KLC4: variants seen among roughly 807,000 people sequenced by gnomAD.
KLC4 encodes the protein kinesin light chain 4.
Under a neutral mutation model 77.2 loss-of-function variants are expected in KLC4, and 49 were observed. The ratio of observed to expected loss-of-function variants is 0.63; its 90% CI spans 0.50 to 0.80. The LOEUF is 0.80. Among genes scored for constraint, KLC4 ranks in the 30% least tolerant of loss-of-function variants. The pLI is 0.00. For synonymous variants in KLC4, 274 were observed against 314.5 expected, an observed-to-expected ratio of 0.87 and a Z score of 1.36; for missense variants, 669 against 793.5, an observed-to-expected ratio of 0.84 and a Z score of 1.89.
chr6:43,063,250 C>A, intron 3 of KLC4, 103 bp downstream of exon 3: 1 of 813,708 alleles, frequency 1.2e-6, no homozygotes, highest in Non-Finnish European at 2.0e-6. Flanking sequence ...CAGCTCTACC[C>A]AACCTGCTCT....
chr6:43,059,739 A>T, intron 1 of KLC4, 54 bp downstream of exon 1: 1 of 1,232,534 alleles, frequency 8.1e-7, no homozygotes, highest in Non-Finnish European at 1.0e-6. Context: ...GCCATCTCTT[A>T]TTCTCGCACT....
At chr6:43,070,135 A>C (rs1765647302) in intron 6 of KLC4, among the ~76,000 whole-genome samples, 1 of 151,654 alleles carries the variant, frequency 6.6e-6, no homozygotes, top group Non-Finnish European at 1.5e-5. Flanking sequence ...CACCTCCAGA[A>C]ATTTCTTAAA....
At chr6:43,070,621 T>TG (rs897688890) in intron 7 of KLC4, 71 bp from the exon 8 acceptor site, 19 of 1,514,336 alleles carry the variant, frequency 1.3e-5, no homozygotes, top group African/African-American at 4.1e-5. Flanking sequence ...TGTGCCTACA[T>TG]GCAAACACAC....
chr6:43,071,514 C>A lies in KLC4; in HGVS notation c.1256-53C>A, dbSNP rs755817758. On this transcript the variant is annotated intron_variant, in intron 9 of 15. Coordinates refer to ENST00000347162, the MANE Select transcript of KLC4 (RefSeq NM_201521.3). Reference sequence around the variant, plus strand: ...TGTCAGCCTCTGGGTCCTGGCTCTCCGACACTGTCTAGCTCCCATCTCTAA... The same window carrying A: ...TGTCAGCCTCTGGGTCCTGGCTCTCAGACACTGTCTAGCTCCCATCTCTAA... 1.8e-5 allele frequency: 29 copies of A among 1,594,128 alleles called. 1 individual carries two copies. In the Middle Eastern group the frequency reaches 2.8e-3, roughly 156 times the overall value.
At chr6:43,073,494 A>G in intron 14 of KLC4, 156 bp downstream of exon 14, 1 of 553,184 alleles carries the variant, frequency 1.8e-6, no homozygotes, top group Non-Finnish European at 3.2e-6. Flanking sequence ...TAAAAATACA[A>G]AAATTAGTCG....
At chr6:43,068,243 G>C (rs1198128125) in intron 6 of KLC4, among the ~76,000 whole-genome samples, 2 of 151,620 alleles carry the variant, frequency 1.3e-5, no homozygotes, top group Admixed American at 1.3e-4. Flanking sequence ...GGAGGCCAAG[G>C]TGGGCAAATC....
intron 15 of KLC4, chr6:43,074,284 TTAG>T: frequency 2.2e-6 from 1 of 457,018 alleles, no homozygotes; most frequent in Non-Finnish European, 3.9e-6. Flanking sequence ...TGCAGCCGCC[TTAG>T]TAGTAGATGA....
chr6:43,061,206 C>A, intron 1 of KLC4, 105 bp from the exon 2 acceptor site: 1 of 1,214,242 alleles, frequency 8.2e-7, no homozygotes, highest in Non-Finnish European at 1.2e-6. Flanking sequence ...CACAGGGTCA[C>A]TCTTACTTTT....
In KLC4 at chr6:43,070,806, A is replaced by G. The variant is rs771648231; in HGVS notation, c.1096A>G (p.Ile366Val). ...ACGCTACTACCAGCGAGCACTGGCC[A>G]TCTACGAGGGGCAGCTGGGGCCGGA... ...VERYYQRALA[I>V]YEGQLGPDNP... The change falls in exon 8 of 16, where the codon ATC becomes GTC. Residue 366 changes from isoleucine (I) to valine (V), a missense_variant. Physicochemically the swap from Ile to Val is conservative, Grantham distance 29. Transcript: ENST00000347162. 29 of 1,613,578 alleles carry G rather than the reference A, an allele frequency of 1.8e-5. No homozygotes were observed. The highest frequency in any genetic ancestry group is 2.4e-5 in the Non-Finnish European group (28 of 1,179,800).
chr6:43,073,443 G>A lies in KLC4; in HGVS notation c.1745+105G>A, dbSNP rs535963420. The A allele has an allele frequency of 5.0e-5, 36 of 714,574 alleles. No individual in the cohort carries two copies. The African/African-American group carries it at 5.7e-4, about 11-fold the overall frequency. 44.3% of individuals were successfully genotyped at this position (714,574 alleles called of 1,614,324 possible). A position where few individuals can be genotyped will look rare whatever the true frequency, so the allele number is the denominator to read the frequency against. On this transcript the variant is annotated intron_variant, in intron 14 of 15. Transcript: ENST00000347162. ...AGGCGGGTGGATCACCTGAGGTCAG[G>A]AGTTTGAGACCAGCCTGGCCAACAA... is the stretch of plus-strand genomic sequence containing the variant.
Position 43,067,084 on chromosome 6 carries a change from G to C in KLC4, c.879+1G>C, listed in dbSNP as rs1267208038. ...CACCTTGGGACCTGACCATCCTGCT[G>C]TCAGTATTCCTTGCCCTCCCCACCC... On this transcript the variant is annotated splice_donor_variant, in intron 6 of 15. Transcript: ENST00000347162. LOFTEE classifies it high-confidence loss of function. The C allele has an allele frequency of 6.2e-7, 1 of 1,613,992 alleles. No homozygotes were observed. Among genetic ancestry groups the C allele is most frequent in the East Asian group, 2.2e-5 (1 of 44,856 alleles).
At chr6:43,061,691 C>T (rs1480129482) in intron 2 of KLC4, 98 bp downstream of exon 2, 20 of 1,216,394 alleles carry the variant, frequency 1.6e-5, no homozygotes, top group East Asian at 7.7e-5. Context: ...TCACTCTAGA[C>T]GTTTGCATTC....
rs377239608 is a variant in KLC4, at chr6:43,072,930, G to A, written c.1595G>A (p.Gly532Asp). 6.2e-7 allele frequency: 1 copy of A among 1,610,290 alleles called. No homozygotes were observed. Among genetic ancestry groups the A allele is most frequent in the African/African-American group, 1.3e-5 (1 of 74,726 alleles). The change falls in exon 13 of 16, where the codon GGT (glycine) becomes GAT (aspartate). Residue 532 changes from glycine to aspartate, a missense_variant. Physicochemically the swap from Gly to Asp is moderately conservative, Grantham distance 94. Coordinates refer to ENST00000347162, the MANE Select transcript of KLC4 (RefSeq NM_201521.3). ...GPGDSVKFEG[G>D]EDASVAVEWS... ...GGAGACAGTGTGAAATTCGAGGGAGGTGAAGATGCTTCTGTGGCTGTGGAG... is the reference window on the plus strand; with the variant it reads ...GGAGACAGTGTGAAATTCGAGGGAGATGAAGATGCTTCTGTGGCTGTGGAG...
At chr6:43,071,762 C>T (rs1304273003) in intron 10 of KLC4, 90 bp from the exon 11 acceptor site, 2 of 1,495,502 alleles carry the variant, frequency 1.3e-6, no homozygotes, top group African/African-American at 1.4e-5. Flanking sequence ...AGCCTGCACC[C>T]TAGCCCCATG....
At chr6:43,061,118 G>C in intron 1 of KLC4, 193 bp from the exon 2 acceptor site, 1 of 601,962 alleles carries the variant, frequency 1.7e-6, no homozygotes. Context: ...TCTCCCTCTC[G>C]CTTTGCCCAC....
In KLC4 at chr6:43,071,788, G is replaced by A. The variant is rs984466503; in HGVS notation, c.1309-64G>A. ...TAGCCCCATGCCACCTTGCATCTCAGCATCTCTGTATTCTTATATTTGGCT... is the reference window on the plus strand; with the variant it reads ...TAGCCCCATGCCACCTTGCATCTCAACATCTCTGTATTCTTATATTTGGCT... On this transcript the variant is annotated intron_variant, in intron 10 of 15. Coordinates refer to ENST00000347162, the MANE Select transcript of KLC4 (RefSeq NM_201521.3). 19 of 1,557,288 alleles carry A rather than the reference G, an allele frequency of 1.2e-5. 1 individual carries two copies. Among genetic ancestry groups the A allele is most frequent in the Non-Finnish European group, 1.7e-5 (19 of 1,139,444 alleles).
chr6:43,070,634 G>A (rs1036678399), intron 7 of KLC4, 58 bp from the exon 8 acceptor site: 19 of 1,563,322 alleles, frequency 1.2e-5, no homozygotes, highest in Admixed American at 8.6e-5. Context: ...AAACACACGT[G>A]TGCTTGTGCA....
At chr6:43,073,688 C>G in intron 14 of KLC4, 1 of 575,706 alleles carries the variant, frequency 1.7e-6, no homozygotes, top group Non-Finnish European at 3.1e-6. Flanking sequence ...GTAAAGCAGG[C>G]AAGTAAAGTA....
At chr6:43,074,566 C>T in intron 15 of KLC4, 56 bp from the exon 16 acceptor site, 3 of 1,444,824 alleles carry the variant, frequency 2.1e-6, no homozygotes, top group Non-Finnish European at 2.9e-6. Context: ...ACTCTAGGAG[C>T]CAGTCTTTGG....
Sources: gnomAD v4.1 joint callset for allele counts (sites outside exome capture counted in the v4.1 genomes callset) on GRCh38, gnomAD v4.1.1 for gene constraint, MANE v1.5 for transcripts, NCBI Gene and HGNC (gene_info 2026-07-23, HGNC 2026-07-21) for gene names.